Variants in CNTNAP5 observed in about 807,000 individuals in gnomAD.
CNTNAP5 encodes contactin-associated protein-like 5.
In CNTNAP5, 72 loss-of-function variants were observed where a neutral mutation model predicts 150.2. The observed-to-expected ratio is 0.48, with a 90% confidence interval of 0.40 to 0.58. The LOEUF is 0.58. Ranked by LOEUF, CNTNAP5 falls within the 20% of genes least tolerant of loss-of-function variation. CNTNAP5 has a pLI of 0.00. For synonymous variants in CNTNAP5, 672 were observed against 619.8 expected, an observed-to-expected ratio of 1.08 and a Z score of -1.25; for missense variants, 1,636 against 1,626.2, an observed-to-expected ratio of 1.01 and a Z score of -0.10.
At chr2:124,699,855 A>G (rs896296381) in intron 13 of CNTNAP5, among the ~76,000 whole-genome samples, 4 of 150,406 alleles carry the variant, frequency 2.7e-5, no homozygotes, top group African/African-American at 7.4e-5. Flanking sequence ...CTTCTTAGAT[A>G]TAATTCATAT....
At position 124,025,627 on chromosome 2, in the gene CNTNAP5, G is replaced by T. The variant is rs1680862181; in HGVS notation, c.-24G>T. ...CTACTGCGAATTTGGGATTCGATTG[G>T]GAGGGACCGCTCACTCGGGGGAAAT... On this transcript the variant is annotated 5_prime_UTR_variant, in exon 1 of 24. Coordinates refer to ENST00000682447, the MANE Select transcript of CNTNAP5 (RefSeq NM_001367498.1). 6.2e-7 allele frequency: 1 copy of T among 1,612,070 alleles called. No homozygotes were observed. The highest frequency in any genetic ancestry group is 1.7e-5 in the Admixed American group (1 of 59,982).
chr2:124,453,094 G>T (rs2104812750), intron 6 of CNTNAP5, among the ~76,000 whole-genome samples: 1 of 151,892 alleles, frequency 6.6e-6, no homozygotes. Flanking sequence ...AGATACCAGA[G>T]AAAGTCAAAG....
chr2:124,720,893 G>A (rs1028177235), intron 13 of CNTNAP5, among the ~76,000 whole-genome samples: 2 of 152,014 alleles, frequency 1.3e-5, no homozygotes, highest in Non-Finnish European at 2.9e-5. Flanking sequence ...ATAATTTATG[G>A]CCCCTTAATT....
chr2:124,296,744 T>G (rs1688440578), intron 3 of CNTNAP5, among the ~76,000 whole-genome samples: 1 of 152,154 alleles, frequency 6.6e-6, no homozygotes, highest in South Asian at 2.1e-4. Context: ...AAAATGAATA[T>G]CATCCCTTCT....
chr2:124,222,320 C>T (rs1439520475), intron 2 of CNTNAP5, among the ~76,000 whole-genome samples: 1 of 152,046 alleles, frequency 6.6e-6, no homozygotes, highest in Non-Finnish European at 1.5e-5. Flanking sequence ...TTATCTTTAA[C>T]ATCTGTGTGA....
intron 10 of CNTNAP5, among the ~76,000 whole-genome samples, chr2:124,534,702 G>A (rs62172621): frequency 0.17 from 26,217 of 152,032 alleles, 2,951 homozygotes; most frequent in Non-Finnish European, 0.24. Context: ...GCGAAACCCC[G>A]TCTCTACTGA....
At chr2:124,754,816 G>T (rs1232079916) in intron 14 of CNTNAP5, among the ~76,000 whole-genome samples, 2 of 151,768 alleles carry the variant, frequency 1.3e-5, no homozygotes, top group Non-Finnish European at 2.9e-5. Context: ...AACTCTCAAA[G>T]TTATGGGATT....
intron 1 of CNTNAP5, among the ~76,000 whole-genome samples, chr2:124,206,045 G>A (rs1685855426): frequency 6.6e-6 from 1 of 152,180 alleles, no homozygotes; most frequent in African/African-American, 2.4e-5. Flanking sequence ...GAAATCACTT[G>A]TATTTGTCCT....
At chr2:124,505,469 C>T (rs1694382074) in intron 8 of CNTNAP5, among the ~76,000 whole-genome samples, 1 of 151,742 alleles carries the variant, frequency 6.6e-6, no homozygotes, top group African/African-American at 2.4e-5. Flanking sequence ...TATATGTATA[C>T]ATATATATTT....
intron 1 of CNTNAP5, 45 bp downstream of exon 1, chr2:124,025,777 T>A (rs375525104): frequency 5.3e-5 from 76 of 1,447,008 alleles, no homozygotes; most frequent in Non-Finnish European, 7.0e-5. Context: ...TGGAAAACGA[T>A]CGCATTCAGA....
chr2:124,242,326 G>A lies in CNTNAP5; in HGVS notation c.314G>A (p.Ser105Asn), dbSNP rs1016002492. The A allele has an allele frequency of 1.8e-5, 29 of 1,613,256 alleles. No individual in the cohort carries two copies. Among genetic ancestry groups the A allele is most frequent in the Non-Finnish European group, 2.4e-5 (28 of 1,179,718 alleles). ...GRYGSSDWVT[S>N]YSLMFSDTGR... is the part of the protein sequence containing the mutation. ...TACGGAAGCTCTGACTGGGTGACGA[G>A]TTACAGCCTGATGTTCAGTGACACA... Residue 105 changes from serine (S) to asparagine (N), a missense_variant, in exon 3 of 24, where the codon AGT becomes AAT. Transcript: ENST00000682447.
chr2:124,454,310 C>T (rs2920060), intron 6 of CNTNAP5, among the ~76,000 whole-genome samples: 71,354 of 151,944 alleles, frequency 0.47, 16,872 homozygotes, highest in Middle Eastern at 0.59. Flanking sequence ...TAAAGAGAGT[C>T]ATTATACAAT....
chr2:124,202,224 G>C (rs935024639), intron 1 of CNTNAP5, among the ~76,000 whole-genome samples: 1 of 152,024 alleles, frequency 6.6e-6, no homozygotes, highest in African/African-American at 2.4e-5. Context: ...GGCCCCTATA[G>C]TTCTGAAGTA....
intron 13 of CNTNAP5, among the ~76,000 whole-genome samples, chr2:124,697,930 G>C (rs1268405401): frequency 6.6e-6 from 1 of 152,064 alleles, no homozygotes; most frequent in South Asian, 2.1e-4. Flanking sequence ...TACACAATTA[G>C]GATGTAATGT....
chr2:124,903,444 G>A (rs1244174238), intron 22 of CNTNAP5, among the ~76,000 whole-genome samples: 1 of 152,080 alleles, frequency 6.6e-6, no homozygotes, highest in African/African-American at 2.4e-5. Context: ...AGAGAACAGG[G>A]AGGCAGCAAG....
chr2:124,370,937 G>A (rs563800884), intron 3 of CNTNAP5, among the ~76,000 whole-genome samples: 1 of 152,222 alleles, frequency 6.6e-6, no homozygotes, highest in South Asian at 2.1e-4. Context: ...TTTAGAGTAA[G>A]TTTGAAGAGT....
At chr2:124,827,065 C>A (rs1029207761) in intron 19 of CNTNAP5, among the ~76,000 whole-genome samples, 7 of 152,074 alleles carry the variant, frequency 4.6e-5, no homozygotes, top group African/African-American at 1.4e-4. Context: ...GGGCCACAGG[C>A]CTGCAACACC....
chr2:124,443,670 C>A (rs1424255853), intron 5 of CNTNAP5, among the ~76,000 whole-genome samples: 1 of 151,938 alleles, frequency 6.6e-6, no homozygotes, highest in African/African-American at 2.4e-5. Context: ...TAAAATTTAT[C>A]TTTTGAAGCA....
At chr2:124,649,618 G>A (rs1322322022) in intron 13 of CNTNAP5, among the ~76,000 whole-genome samples, 4 of 152,172 alleles carry the variant, frequency 2.6e-5, no homozygotes, top group African/African-American at 7.2e-5. Context: ...TATTTGAGTG[G>A]GAGGGCACGG....
Sources: gnomAD v4.1 joint callset for allele counts (sites outside exome capture counted in the v4.1 genomes callset) on GRCh38, gnomAD v4.1.1 for gene constraint, MANE v1.5 for transcripts, NCBI Gene and HGNC (gene_info 2026-07-23, HGNC 2026-07-21) for gene names.